Variants in DIAPH2 observed in about 807,000 individuals in gnomAD.
DIAPH2 encodes diaphanous related formin 2, also known as protein diaphanous homolog 2.
A neutral mutation model predicts 92.7 loss-of-function variants in DIAPH2; 35 were observed. The ratio of observed to expected loss-of-function variants is 0.38; its 90% CI spans 0.29 to 0.50. DIAPH2 has a LOEUF of 0.50. DIAPH2 is among the 20% of genes least tolerant of loss of function. DIAPH2 has a pLI of 0.94. For synonymous variants in DIAPH2, 301 were observed against 280.4 expected, an observed-to-expected ratio of 1.07 and a Z score of -0.73; for missense variants, 701 against 819.5, an observed-to-expected ratio of 0.86 and a Z score of 1.77.
chrX:97,516,415 A>G (rs2070949032), intron 26 of DIAPH2, among the ~76,000 whole-genome samples: 1 of 111,993 alleles, frequency 8.9e-6, no homozygotes, highest in Non-Finnish European at 1.9e-5. Context: ...AAATAAAAGA[A>G]TTATATGCAA....
intron 22 of DIAPH2, among the ~76,000 whole-genome samples, chrX:97,246,055 A>G (rs992521337): frequency 9.7e-6 from 1 of 102,913 alleles, no homozygotes; most frequent in Non-Finnish European, 2.0e-5. Flanking sequence ...GGCACCCACC[A>G]CCAGGCCTGG....
At chrX:97,303,814 G>C (rs5921779) in intron 23 of DIAPH2, among the ~76,000 whole-genome samples, 2,628 of 111,525 alleles carry the variant, frequency 0.024, 28 homozygotes, top group Middle Eastern at 0.041. Context: ...AACTTATTTA[G>C]CCATGGGGTG....
intron 26 of DIAPH2, among the ~76,000 whole-genome samples, chrX:97,496,952 G>A (rs1194060344): frequency 2.7e-5 from 3 of 111,743 alleles, no homozygotes; most frequent in Admixed American, 1.9e-4. Context: ...AAAATAAATA[G>A]AAAAATACAA....
intron 21 of DIAPH2, among the ~76,000 whole-genome samples, chrX:97,137,259 A>G (rs182232689): frequency 0.34 from 28,605 of 83,327 alleles, 4,331 homozygotes; most frequent in East Asian, 0.54. Flanking sequence ...TCATATATAA[A>G]CGCAGTTATA....
chrX:97,560,428 T>C (rs1196338180), intron 26 of DIAPH2, among the ~76,000 whole-genome samples: 1 of 112,078 alleles, frequency 8.9e-6, no homozygotes, highest in Non-Finnish European at 1.9e-5. Flanking sequence ...TGAGAGTAAA[T>C]TGTAAATTCT....
chrX:96,738,435 C>G, intron 2 of DIAPH2, 151 bp from the exon 3 acceptor site: 3 of 432,367 alleles, frequency 6.9e-6, no homozygotes, highest in Non-Finnish European at 1.1e-5. Context: ...AGTACAATCT[C>G]TAACTGGAGC....
At chrX:97,484,873 T>C (rs747503176) in intron 26 of DIAPH2, among the ~76,000 whole-genome samples, 16 of 111,386 alleles carry the variant, frequency 1.4e-4, no homozygotes, top group Admixed American at 7.6e-4. Context: ...TCCAGCCTGG[T>C]GACAGAGCGA....
At chrX:96,901,535 T>G (rs1277156321) in intron 5 of DIAPH2, among the ~76,000 whole-genome samples, 644 of 55,277 alleles carry the variant, frequency 0.012, 32 homozygotes, top group African/African-American at 0.046. Context: ...TCTTTCTGTT[T>G]TTTTTTTTTT....
At chrX:97,220,830 T>C (rs1226079049) in intron 22 of DIAPH2, among the ~76,000 whole-genome samples, 1 of 112,231 alleles carries the variant, frequency 8.9e-6, no homozygotes, top group Non-Finnish European at 1.9e-5. Context: ...GCTTAAAATA[T>C]ATTCGTGTGT....
intron 26 of DIAPH2, among the ~76,000 whole-genome samples, chrX:97,496,000 A>G (rs768145169): frequency 3.3e-4 from 36 of 110,747 alleles, no homozygotes; most frequent in South Asian, 7.7e-4. Flanking sequence ...TACCTAAATG[A>G]AAGAAGCTGT....
At chrX:97,424,640 G>A (rs1197095547) in intron 25 of DIAPH2, among the ~76,000 whole-genome samples, 2 of 110,948 alleles carry the variant, frequency 1.8e-5, no homozygotes, top group African/African-American at 6.6e-5. Context: ...TTTGAGACAG[G>A]GTCTCACTCT....
chrX:97,409,185 G>A (rs1424870433), intron 25 of DIAPH2, among the ~76,000 whole-genome samples: 1 of 111,937 alleles, frequency 8.9e-6, no homozygotes, highest in African/African-American at 3.2e-5. Flanking sequence ...CAAAGACCAT[G>A]CATAGATTCC....
intron 25 of DIAPH2, among the ~76,000 whole-genome samples, chrX:97,407,558 A>G (rs984098323): frequency 1.8e-5 from 2 of 112,573 alleles, no homozygotes; most frequent in Non-Finnish European, 3.8e-5. Context: ...TGATTGAAGC[A>G]GTGATGATGA....
At chrX:97,500,761 G>GATAT (rs2070789542) in intron 26 of DIAPH2, among the ~76,000 whole-genome samples, 4 of 46,274 alleles carry the variant, frequency 8.6e-5, no homozygotes, top group East Asian at 8.4e-4. Flanking sequence ...GCCATTCAAG[G>GATAT]AGATATATAT....
At chrX:96,984,818 G>T (rs1407364463) in intron 17 of DIAPH2, among the ~76,000 whole-genome samples, 1 of 111,460 alleles carries the variant, frequency 9.0e-6, no homozygotes, top group Non-Finnish European at 1.9e-5. Flanking sequence ...AGATAGCATA[G>T]ACAGAAAGGA....
chrX:96,897,731 T>C (rs2065355594), intron 5 of DIAPH2, among the ~76,000 whole-genome samples: 2 of 108,256 alleles, frequency 1.8e-5, no homozygotes, highest in African/African-American at 6.7e-5. Context: ...AATTTTATTT[T>C]ATTATTATTA....
chrX:97,253,317 A>ATAAAATAAAAT (rs1556010460), intron 23 of DIAPH2, among the ~76,000 whole-genome samples: 4 of 110,063 alleles, frequency 3.6e-5, no homozygotes, highest in Non-Finnish European at 5.7e-5. Flanking sequence ...ATAAAATAAA[A>ATAAAATAAAAT]AAAGAGGAAA....
intron 23 of DIAPH2, among the ~76,000 whole-genome samples, chrX:97,332,404 T>C (rs1398685913): frequency 8.9e-6 from 1 of 111,946 alleles, no homozygotes; most frequent in Non-Finnish European, 1.9e-5. Context: ...TAAACTTGAT[T>C]TGGAAGACAT....
At chrX:96,837,598 A>T (rs189336469) in intron 4 of DIAPH2, among the ~76,000 whole-genome samples, 128 of 111,036 alleles carry the variant, frequency 1.2e-3, no homozygotes, top group African/African-American at 4.1e-3. Context: ...TGTTTTCTTT[A>T]TTCCTCCCTC....
Sources: allele counts gnomAD v4.1 joint callset (sites outside exome capture counted in the v4.1 genomes callset), GRCh38; gene constraint gnomAD v4.1.1; transcripts MANE v1.5; gene names NCBI Gene and HGNC (gene_info 2026-07-23, HGNC 2026-07-21).